NFIB: variants seen among roughly 807,000 people sequenced by gnomAD.
The protein encoded by NFIB is nuclear factor 1 B-type.
A neutral mutation model predicts 61.5 loss-of-function variants in NFIB; 11 were observed. That is an observed-to-expected ratio of 0.18 (90% CI 0.11 to 0.30). The LOEUF is 0.30. NFIB is among the 10% of genes least tolerant of loss of function. The pLI is 1.00. For missense variants in NFIB, 471 were observed against 608.9 expected (o/e 0.77, Z 2.38); for synonymous variants, 260 against 216.5 (o/e 1.20, Z -1.76).
At chr9:14,257,288 C>T (rs561084722) in intron 2 of NFIB, among the ~76,000 whole-genome samples, 15 of 152,256 alleles carry the variant, frequency 9.9e-5, no homozygotes, top group African/African-American at 2.9e-4. Context: ...GACAGCTGTG[C>T]CTTATTACAG....
At chr9:14,252,225 G>A (rs1165667895) in intron 2 of NFIB, among the ~76,000 whole-genome samples, 1 of 152,138 alleles carries the variant, frequency 6.6e-6, no homozygotes, top group Non-Finnish European at 1.5e-5. Context: ...TGATATGGCT[G>A]GTGGACTCTG....
the NFIB span, among the ~76,000 whole-genome samples, chr9:14,463,010 G>A: frequency 7.9e-5 from 12 of 152,186 alleles, no homozygotes; most frequent in African/African-American, 2.9e-4. Context: ...AACAATGGTA[G>A]AGTTTTCACA....
At chr9:14,360,021 G>A (rs551466194) in intron 1 of NFIB, among the ~76,000 whole-genome samples, 1 of 152,032 alleles carries the variant, frequency 6.6e-6, no homozygotes, top group Non-Finnish European at 1.5e-5. Flanking sequence ...CTAATTTTTG[G>A]AGAACTTTTG....
intron 4 of NFIB, among the ~76,000 whole-genome samples, chr9:14,154,851 GAAC>G (rs1219484273): frequency 3.3e-5 from 5 of 152,096 alleles, no homozygotes; most frequent in African/African-American, 1.2e-4. Flanking sequence ...TTCCTTTACT[GAAC>G]AACAAGACTC....
At chr9:14,136,889 T>C (rs774211414) in intron 6 of NFIB, among the ~76,000 whole-genome samples, 1 of 152,170 alleles carries the variant, frequency 6.6e-6, no homozygotes, top group Admixed American at 6.6e-5. Context: ...GTAGTCAAAA[T>C]TGGTATAAAT....
Position 14,313,793 on chromosome 9 carries a change from C to T in NFIB, c.-282G>A. The T allele has an allele frequency of 5.3e-6, 7 of 1,329,822 alleles. No homozygotes were observed. The highest frequency in any genetic ancestry group is 5.8e-6 in the Non-Finnish European group (6 of 1,040,212). The allele number at this position is 1,329,822 out of a possible 1,614,324, so 82.4% of individuals were successfully genotyped here. The stretch of plus-strand genomic sequence containing the variant: ...TGGCCGTGCTTGCCGAGGCCGCCGC[C>T]GCCGCCGGTGTTGGCTGCTTTTCGC... On this transcript the variant is annotated 5_prime_UTR_variant, in exon 1 of 11. Transcript: ENST00000380953. The surrounding 1 kb of genome is among the most constrained non-coding windows in gnomAD (Gnocchi z 4.5).
At chr9:14,309,345 T>A (rs924703670) in intron 1 of NFIB, among the ~76,000 whole-genome samples, 1 of 152,240 alleles carries the variant, frequency 6.6e-6, no homozygotes, top group African/African-American at 2.4e-5. Flanking sequence ...AAGGAGTACA[T>A]GTCCCATCCA....
intron 10 of NFIB, among the ~76,000 whole-genome samples, chr9:14,103,146 G>A (rs1304297805): frequency 6.6e-6 from 1 of 152,136 alleles, no homozygotes; most frequent in Non-Finnish European, 1.5e-5. Context: ...TACATCTGAA[G>A]AAAGTGAGGA....
intron 1 of NFIB, among the ~76,000 whole-genome samples, chr9:14,333,906 G>A (rs2060851866): frequency 6.6e-6 from 1 of 152,164 alleles, no homozygotes; most frequent in Non-Finnish European, 1.5e-5. Context: ...CCGCTGTACT[G>A]ATTTCTAACA....
intron 10 of NFIB, among the ~76,000 whole-genome samples, chr9:14,101,066 T>C (rs1436483784): frequency 1.3e-5 from 2 of 152,146 alleles, no homozygotes; most frequent in Non-Finnish European, 2.9e-5. Flanking sequence ...TTCAATTAAA[T>C]AAACTTTAAA....
the NFIB span, among the ~76,000 whole-genome samples, chr9:14,451,468 G>A: frequency 2.6e-3 from 397 of 151,976 alleles, 6 homozygotes; most frequent in Non-Finnish European, 6.9e-4. Context: ...AAACATTTTC[G>A]TTTGTGTTTC....
At chr9:14,249,201 C>T (rs995286293) in intron 2 of NFIB, among the ~76,000 whole-genome samples, 1 of 152,084 alleles carries the variant, frequency 6.6e-6, no homozygotes, top group African/African-American at 2.4e-5. Context: ...TTAGTATTTC[C>T]AATTACATAA....
At chr9:14,462,664 T>C in the NFIB span, among the ~76,000 whole-genome samples, 1 of 152,188 alleles carries the variant, frequency 6.6e-6, no homozygotes, top group Non-Finnish European at 1.5e-5. Flanking sequence ...TATCGAATTC[T>C]TATCTCTGGG....
intron 2 of NFIB, among the ~76,000 whole-genome samples, chr9:14,215,595 G>C (rs1201569060): frequency 6.6e-6 from 1 of 152,122 alleles, no homozygotes; most frequent in African/African-American, 2.4e-5. Flanking sequence ...TACTTAAAAA[G>C]TGATCAGATA....
intron 1 of NFIB, among the ~76,000 whole-genome samples, chr9:14,310,876 A>T (rs2060247508): frequency 6.6e-6 from 1 of 152,128 alleles, no homozygotes; most frequent in South Asian, 2.1e-4. Flanking sequence ...CATGAAAGGG[A>T]TGGATAATTT....
chr9:14,418,192 A>G, the NFIB span, among the ~76,000 whole-genome samples: 2 of 152,152 alleles, frequency 1.3e-5, no homozygotes, highest in African/African-American at 4.8e-5. Flanking sequence ...TTCTTTATTC[A>G]CATCTTCTCG....
intron 1 of NFIB, among the ~76,000 whole-genome samples, chr9:14,352,819 C>T (rs2061129589): frequency 6.6e-6 from 1 of 152,220 alleles, no homozygotes. Context: ...AGGAAGGACC[C>T]TGTAGCCTTT....
intron 2 of NFIB, among the ~76,000 whole-genome samples, chr9:14,261,382 A>T (rs2132237791): frequency 6.6e-6 from 1 of 152,344 alleles, no homozygotes; most frequent in Non-Finnish European, 1.5e-5. Flanking sequence ...AAGCAGTCAC[A>T]TCTCAAACCT....
At chr9:14,512,457 G>C in the NFIB span, among the ~76,000 whole-genome samples, 6 of 152,124 alleles carry the variant, frequency 3.9e-5, no homozygotes, top group Non-Finnish European at 8.8e-5. Context: ...TAGTAATAAA[G>C]TATCTTCGTA....
Sources: allele counts gnomAD v4.1 joint callset (sites outside exome capture counted in the v4.1 genomes callset), GRCh38; gene constraint gnomAD v4.1.1; non-coding constraint Gnocchi (gnomAD v3.1); transcripts MANE v1.5; gene names NCBI Gene and HGNC (gene_info 2026-07-23, HGNC 2026-07-21).